COLEC12: variants seen among roughly 807,000 people sequenced by gnomAD.
The protein encoded by COLEC12 is collectin-12.
In COLEC12, 33 loss-of-function variants were observed where a neutral mutation model predicts 71.1. The observed-to-expected ratio is 0.46, with a 90% CI of 0.35 to 0.62. COLEC12 has a LOEUF of 0.62. Among genes scored for constraint, COLEC12 ranks in the 20% least tolerant of loss-of-function variants. The pLI is 0.00. For missense variants in COLEC12, 765 were observed against 916.1 expected, an observed-to-expected ratio of 0.84 and a Z score of 2.13; for synonymous variants, 350 against 353.0, an observed-to-expected ratio of 0.99 and a Z score of 0.10.
At chr18:391,430 C>A (rs184303618) in intron 2 of COLEC12, among the ~76,000 whole-genome samples, 2 of 152,340 alleles carry the variant, frequency 1.3e-5, no homozygotes, top group African/African-American at 4.8e-5. Flanking sequence ...AGCGAATACA[C>A]ATGTGTTGTG....
chr18:360,532 C>T (rs1289371409), intron 2 of COLEC12, among the ~76,000 whole-genome samples: 2 of 152,052 alleles, frequency 1.3e-5, no homozygotes, highest in African/African-American at 2.4e-5. Context: ...GATGCTGATG[C>T]TGATGCTGAT....
In COLEC12 at chr18:316,874, A is replaced by G. The variant is rs1300478000; in HGVS notation, c.*3171T>C. The G allele has an allele frequency of 6.6e-6, 1 of 151,662 alleles. No homozygotes were observed. Among genetic ancestry groups the G allele is most frequent in the Non-Finnish European group, 1.5e-5 (1 of 67,922 alleles). The allele number at this position is 151,662 out of a possible 1,614,324, so 9.4% of individuals were successfully genotyped here. A position where few individuals can be genotyped will look rare whatever the true frequency, so the allele number is the denominator to read the frequency against. ...CTCAGGTGCCTGAAGACCCCATCAT[A>G]TTTTACTAAAACTCTCCACTCCAAA... is the stretch of plus-strand genomic sequence containing the variant. On this transcript the variant is annotated 3_prime_UTR_variant, in exon 10 of 10. Transcript: ENST00000400256.
At chr18:491,265 A>G (rs2143790380) in intron 1 of COLEC12, among the ~76,000 whole-genome samples, 1 of 152,360 alleles carries the variant, frequency 6.6e-6, no homozygotes, top group South Asian at 2.1e-4. Flanking sequence ...GGGTTGCTAA[A>G]TATTTGGAAT....
At chr18:335,705 A>C (rs1308340305) in intron 5 of COLEC12, among the ~76,000 whole-genome samples, 1 of 152,156 alleles carries the variant, frequency 6.6e-6, no homozygotes, top group African/African-American at 2.4e-5. Context: ...TAAGGAAAGA[A>C]ATGTCTGTTG....
intron 5 of COLEC12, among the ~76,000 whole-genome samples, chr18:337,966 C>T (rs1197958940): frequency 2.6e-5 from 4 of 152,120 alleles, no homozygotes; most frequent in African/African-American, 4.8e-5. Flanking sequence ...GATCTTCCTA[C>T]CTGTGATTCC....
chr18:357,276 G>A, intron 3 of COLEC12, 124 bp downstream of exon 3: 1 of 865,350 alleles, frequency 1.2e-6, no homozygotes, highest in Admixed American at 2.8e-5. Context: ...AGTTTATCAT[G>A]TTGTTATTTT....
At chr18:422,783 T>C (rs1916123607) in intron 2 of COLEC12, among the ~76,000 whole-genome samples, 1 of 152,214 alleles carries the variant, frequency 6.6e-6, no homozygotes, top group African/African-American at 2.4e-5. Context: ...TATTTGCTCA[T>C]ACACATTATG....
intron 2 of COLEC12, among the ~76,000 whole-genome samples, chr18:437,404 C>T (rs1377596958): frequency 6.6e-6 from 1 of 152,154 alleles, no homozygotes; most frequent in Non-Finnish European, 1.5e-5. Context: ...TTCACCTGCC[C>T]ACTGTGACCT....
chr18:449,514 A>G (rs1916716949), intron 2 of COLEC12, among the ~76,000 whole-genome samples: 1 of 152,232 alleles, frequency 6.6e-6, no homozygotes, highest in South Asian at 2.1e-4. Context: ...AAGCTTCTGC[A>G]GCAAACTCTC....
chr18:402,260 T>C (rs1285344338), intron 2 of COLEC12, among the ~76,000 whole-genome samples: 1 of 152,136 alleles, frequency 6.6e-6, no homozygotes, highest in Non-Finnish European at 1.5e-5. Context: ...GGTTCCTCTA[T>C]TGGCCTACAA....
chr18:475,975 T>C lies in COLEC12; in HGVS notation c.58+4732A>G, dbSNP rs148279117. On this transcript the variant is annotated intron_variant, in intron 2 of 9. Coordinates refer to ENST00000400256, the MANE Select transcript of COLEC12 (RefSeq NM_130386.3). ...ACCGTGTGGGCCAAACTGTTAAAAA[T>C]ATACTTGCTAATCTGCAACTATTTT... Among the ~76,000 whole-genome samples, 511 of 152,322 alleles carry C rather than the reference T, an allele frequency of 3.4e-3. 2 individuals carry two copies. The highest frequency in any genetic ancestry group is 0.012 in the African/African-American group (482 of 41,562).
chr18:382,612 C>T (rs528621511), intron 2 of COLEC12, among the ~76,000 whole-genome samples: 1 of 152,150 alleles, frequency 6.6e-6, no homozygotes, highest in South Asian at 2.1e-4. Context: ...TAGCACTAAT[C>T]CCCCCGAGCC....
intron 2 of COLEC12, among the ~76,000 whole-genome samples, chr18:368,250 A>G (rs1914897973): frequency 6.6e-6 from 1 of 152,246 alleles, no homozygotes; most frequent in South Asian, 2.1e-4. Context: ...CAGACACTAG[A>G]GATGTTTGTA....
chr18:322,850 A>T (rs546203601), intron 8 of COLEC12, among the ~76,000 whole-genome samples: 56 of 152,272 alleles, frequency 3.7e-4, no homozygotes, highest in Admixed American at 6.5e-4. Flanking sequence ...GCGGGAAAGG[A>T]CAGTTGAAGT....
intron 2 of COLEC12, among the ~76,000 whole-genome samples, chr18:436,525 A>AGGGGGGG (rs10547166): frequency 2.0e-5 from 2 of 98,924 alleles, no homozygotes; most frequent in Non-Finnish European, 3.6e-5. Context: ...CAAAAAAAAA[A>AGGGGGGG]GGGGGGGGGG....
At chr18:460,304 G>GTTTTTTTTTTTT (rs1567914550) in intron 2 of COLEC12, among the ~76,000 whole-genome samples, 2 of 151,864 alleles carry the variant, frequency 1.3e-5, no homozygotes, top group African/African-American at 4.9e-5. Flanking sequence ...AAGGTTTTAT[G>GTTTTTTTTTTTT]GACTTTGTGT....
At position 366,649 on chromosome 18, in the gene COLEC12, G is replaced by A. The variant is rs569030535; in HGVS notation, c.59-9127C>T. The stretch of plus-strand genomic sequence containing the variant: ...CCCGCTAGTACTCGGCACATCCTGC[G>A]GCTTAACAAAGGCATGACTGGAGTA... On this transcript the variant is annotated intron_variant, in intron 2 of 9. Coordinates refer to ENST00000400256, the MANE Select transcript of COLEC12 (RefSeq NM_130386.3). Among the ~76,000 whole-genome samples, 6 of 152,292 alleles carry A rather than the reference G, an allele frequency of 3.9e-5. No individual in the cohort carries two copies. In the South Asian group the frequency reaches 6.2e-4, roughly 16 times the overall value.
intron 8 of COLEC12, among the ~76,000 whole-genome samples, chr18:324,816 G>A (rs1053401727): frequency 3.3e-5 from 5 of 152,090 alleles, no homozygotes; most frequent in Admixed American, 2.0e-4. Context: ...GTGACAAAGC[G>A]AGTCTCCATC....
At chr18:484,181 T>A (rs1411474319) in intron 1 of COLEC12, among the ~76,000 whole-genome samples, 1 of 152,250 alleles carries the variant, frequency 6.6e-6, no homozygotes, top group Non-Finnish European at 1.5e-5. Flanking sequence ...CTTTTTCCCA[T>A]GCAGCATTTA....
Sources: allele counts gnomAD v4.1 joint callset (sites outside exome capture counted in the v4.1 genomes callset), GRCh38; gene constraint gnomAD v4.1.1; transcripts MANE v1.5; gene names NCBI Gene and HGNC (gene_info 2026-07-23, HGNC 2026-07-21).